The following ENTREP2 variants were observed in gnomAD, a reference collection of about 807,000 sequenced individuals.
ENTREP2 encodes the protein endosomal transmembrane epsin interactor 2, also known as protein ENTREP2.
chr15:29,164,732 G>A, the ENTREP2 span, among the ~76,000 whole-genome samples: 1 of 152,074 alleles, frequency 6.6e-6, no homozygotes, highest in African/African-American at 2.4e-5. Context: ...ATAATAGTGG[G>A]GGACTTCAAT....
At chr15:29,333,577 G>A in the ENTREP2 span, among the ~76,000 whole-genome samples, 4 of 152,158 alleles carry the variant, frequency 2.6e-5, no homozygotes, top group Middle Eastern at 3.2e-3. Flanking sequence ...CCCTCCAGCA[G>A]GATCCCCCTT....
the ENTREP2 span, among the ~76,000 whole-genome samples, chr15:29,578,282 G>A: frequency 6.6e-6 from 1 of 152,134 alleles, no homozygotes; most frequent in Non-Finnish European, 1.5e-5. Context: ...AAAAATAAAC[G>A]TAGTATTTCC....
chr15:29,637,897 A>G, the ENTREP2 span, among the ~76,000 whole-genome samples: 1 of 152,092 alleles, frequency 6.6e-6, no homozygotes, highest in East Asian at 1.9e-4. Context: ...AGACATCTAC[A>G]GCAAGCTATT....
chr15:29,560,444 C>T, the ENTREP2 span, among the ~76,000 whole-genome samples: 34 of 152,094 alleles, frequency 2.2e-4, no homozygotes, highest in Non-Finnish European at 4.1e-4. Flanking sequence ...AGCCTGGGCC[C>T]AGGAATGTCC....
chr15:29,567,256 C>T, the ENTREP2 span, among the ~76,000 whole-genome samples: 3 of 152,188 alleles, frequency 2.0e-5, no homozygotes, highest in Non-Finnish European at 4.4e-5. Context: ...TGTCTCCAAC[C>T]TTGCCGAGTC....
the ENTREP2 span, among the ~76,000 whole-genome samples, chr15:29,466,681 G>A: frequency 7.5e-6 from 1 of 132,788 alleles, no homozygotes; most frequent in African/African-American, 2.9e-5. Flanking sequence ...CCCCAGGGGA[G>A]GGCCCGGGGA....
the ENTREP2 span, among the ~76,000 whole-genome samples, chr15:29,148,335 T>G: frequency 6.6e-6 from 1 of 152,138 alleles, no homozygotes; most frequent in African/African-American, 2.4e-5. Flanking sequence ...ATCTCACAGA[T>G]CCCTGGTAAA....
chr15:29,612,984 G>C, the ENTREP2 span, among the ~76,000 whole-genome samples: 2 of 152,196 alleles, frequency 1.3e-5, no homozygotes, highest in Non-Finnish European at 2.9e-5. Flanking sequence ...GAACGAGACT[G>C]GTGATGCTAC....
chr15:29,185,484 C>T, the ENTREP2 span, among the ~76,000 whole-genome samples: 317 of 152,338 alleles, frequency 2.1e-3, no homozygotes, highest in Non-Finnish European at 3.6e-3. Context: ...TGAGTTTTCA[C>T]ACAGTACACA....
the ENTREP2 span, among the ~76,000 whole-genome samples, chr15:29,459,542 T>A: frequency 2.0e-5 from 3 of 152,226 alleles, no homozygotes; most frequent in Non-Finnish European, 4.4e-5. Flanking sequence ...GAGTTGTACA[T>A]GATGTTATAT....
the ENTREP2 span, among the ~76,000 whole-genome samples, chr15:29,129,174 C>T: frequency 6.6e-6 from 1 of 152,190 alleles, no homozygotes; most frequent in Non-Finnish European, 1.5e-5. Flanking sequence ...AGCGATTCTC[C>T]TGCTTCAGCC....
At chr15:29,124,804 G>C in the ENTREP2 span, 1 of 1,511,888 alleles carries the variant, frequency 6.6e-7, no homozygotes, top group Non-Finnish European at 9.0e-7. Context: ...AAAGGAAAAA[G>C]GAATTCCTGA....
the ENTREP2 span, among the ~76,000 whole-genome samples, chr15:29,297,721 G>C: frequency 2.0e-5 from 3 of 152,154 alleles, no homozygotes. Context: ...TTATTAACAG[G>C]AAATATACAG....
the ENTREP2 span, among the ~76,000 whole-genome samples, chr15:29,444,651 G>A: frequency 6.6e-6 from 1 of 152,124 alleles, no homozygotes; most frequent in African/African-American, 2.4e-5. Flanking sequence ...ATTTTTAGTA[G>A]AGACGGGGTT....
chr15:29,604,671 A>G, the ENTREP2 span, among the ~76,000 whole-genome samples: 1 of 152,192 alleles, frequency 6.6e-6, no homozygotes, highest in Non-Finnish European at 1.5e-5. Flanking sequence ...CGTGGAACTT[A>G]ACCAAAATAT....
the ENTREP2 span, among the ~76,000 whole-genome samples, chr15:29,272,025 CTG>C: frequency 6.6e-6 from 1 of 152,300 alleles, no homozygotes; most frequent in Non-Finnish European, 1.5e-5. Context: ...ACCCCTGTCA[CTG>C]TGAAAATCAG....
the ENTREP2 span, among the ~76,000 whole-genome samples, chr15:29,604,317 G>A: frequency 3.3e-5 from 5 of 152,176 alleles, no homozygotes; most frequent in African/African-American, 1.2e-4. Context: ...CATTGTGGTC[G>A]AGAATAGAAA....
the ENTREP2 span, among the ~76,000 whole-genome samples, chr15:29,465,080 C>G: frequency 1.6e-4 from 24 of 152,124 alleles, no homozygotes; most frequent in Admixed American, 3.9e-4. Flanking sequence ...AGTGACGATG[C>G]GGTTGGGAGC....
At chr15:29,348,187 A>G in the ENTREP2 span, among the ~76,000 whole-genome samples, 1 of 152,210 alleles carries the variant, frequency 6.6e-6, no homozygotes, top group Non-Finnish European at 1.5e-5. Context: ...TATGTCTTCA[A>G]TGTGTCAGGC....
Sources: gnomAD v4.1 joint callset for allele counts (sites outside exome capture counted in the v4.1 genomes callset) on GRCh38, gnomAD v4.1.1 for gene constraint, MANE v1.5 for transcripts, NCBI Gene and HGNC (gene_info 2026-07-23, HGNC 2026-07-21) for gene names.